Variants in MAOB observed in about 807,000 individuals in gnomAD.
MAOB encodes the protein amine oxidase [flavin-containing] B.
A neutral mutation model predicts 41.9 loss-of-function variants in MAOB; 15 were observed. That is an observed-to-expected ratio of 0.36 (90% CI 0.24 to 0.55). The LOEUF (loss-of-function observed/expected upper bound fraction) is 0.55. Among genes scored for constraint, MAOB ranks in the 20% least tolerant of loss-of-function variants. The probability of loss-of-function intolerance (pLI) is 0.86; values close to 1 mark genes in which losing one functional copy is unlikely to be tolerated. For synonymous variants in MAOB, 167 were observed against 144.2 expected (o/e 1.16, Z -1.13); for missense variants, 345 against 398.7 (o/e 0.87, Z 1.15).
chrX:43,813,596 T>C lies in MAOB; in HGVS notation c.280-10192A>G, dbSNP rs2034773809. On this transcript the variant is annotated intron_variant, in intron 3 of 14. Transcript: ENST00000378069. Reference sequence around the variant, plus strand: ...CCACTTGAGATTCTTACAAACTAGTTAGAAGCTAATGACGGACTCAATGAC... The same window carrying C: ...CCACTTGAGATTCTTACAAACTAGTCAGAAGCTAATGACGGACTCAATGAC... Among the ~76,000 whole-genome samples the C allele has an allele frequency of 5.3e-5, 6 of 112,232 alleles. No individual in the cohort carries two copies. The Admixed American group carries it at 5.7e-4, about 11-fold the overall frequency.
chrX:43,881,979 G>C (rs890591765), intron 1 of MAOB, among the ~76,000 whole-genome samples: 3 of 112,333 alleles, frequency 2.7e-5, no homozygotes, highest in Non-Finnish European at 3.8e-5. Flanking sequence ...GCAAGCGAAG[G>C]CCTAGCAGCC....
At chrX:43,857,168 AAG>A (rs769153460) in intron 1 of MAOB, among the ~76,000 whole-genome samples, 708 of 24,302 alleles carry the variant, frequency 0.029, 8 homozygotes, top group Non-Finnish European at 0.037. Context: ...GAGAGAGAAG[AAG>A]AGAGAGAGAG....
intron 1 of MAOB, among the ~76,000 whole-genome samples, chrX:43,864,461 T>C (rs1396725114): frequency 4.5e-5 from 5 of 111,839 alleles, no homozygotes; most frequent in Non-Finnish European, 9.4e-5. Context: ...TTAGTTTGCA[T>C]TTCATTCCTG....
chrX:43,857,833 T>C (rs1569231141), intron 1 of MAOB, among the ~76,000 whole-genome samples: 1 of 111,841 alleles, frequency 8.9e-6, no homozygotes, highest in Non-Finnish European at 1.9e-5. Context: ...GAATAGTAGG[T>C]AAAGTGTGAG....
At chrX:43,856,041 CA>C (rs912651975) in intron 1 of MAOB, among the ~76,000 whole-genome samples, 3 of 111,056 alleles carry the variant, frequency 2.7e-5, no homozygotes, top group African/African-American at 6.5e-5. Context: ...AAATATAAAA[CA>C]AAAAAAACCC....
In MAOB at chrX:43,831,793, AATTTATTAACT is replaced by A. The variant is rs1238526741; in HGVS notation, c.279+7064_279+7074del. 9.0e-5 allele frequency among the ~76,000 whole-genome samples: 10 copies of A among 111,505 alleles called. No homozygotes were observed. The East Asian group carries it at 1.1e-3, about 13-fold the overall frequency. ...ATATTAGTTCCTGAGGGAACTAATT[AATTTATTAACT>A]ATTTATTAACTATTAATTTTGGTAT... On this transcript the variant is annotated intron_variant, in intron 3 of 14. Transcript: ENST00000378069.
At chrX:43,831,019 G>A (rs867146993) in intron 3 of MAOB, among the ~76,000 whole-genome samples, 1 of 108,462 alleles carries the variant, frequency 9.2e-6, no homozygotes, top group Non-Finnish European at 1.9e-5. Flanking sequence ...GTGTGTGTGT[G>A]TGTGTGTGTG....
chrX:43,811,626 T>C (rs979221227), intron 3 of MAOB, among the ~76,000 whole-genome samples: 2 of 111,982 alleles, frequency 1.8e-5, no homozygotes, highest in African/African-American at 6.5e-5. Flanking sequence ...GTTGGGCAAA[T>C]GGTTGTCTTC....
intron 2 of MAOB, among the ~76,000 whole-genome samples, chrX:43,840,960 C>T (rs1003843900): frequency 9.3e-6 from 1 of 107,653 alleles, no homozygotes; most frequent in Non-Finnish European, 1.9e-5. Flanking sequence ...CCGTTCACTC[C>T]CCTGGAAAGG....
chrX:43,806,560 T>G (rs1285858699), intron 3 of MAOB, among the ~76,000 whole-genome samples: 2 of 110,792 alleles, frequency 1.8e-5, no homozygotes, highest in Non-Finnish European at 3.8e-5. Context: ...CTTAGGGTGG[T>G]GTCTGTCAGG....
intron 3 of MAOB, among the ~76,000 whole-genome samples, chrX:43,830,788 C>A (rs1419596799): frequency 1.8e-5 from 2 of 112,023 alleles, no homozygotes; most frequent in South Asian, 3.7e-4. Context: ...GAAACTCTAT[C>A]CTTCCTATCA....
At chrX:43,816,508 CA>C (rs1329257901) in intron 3 of MAOB, among the ~76,000 whole-genome samples, 1 of 111,629 alleles carries the variant, frequency 9.0e-6, no homozygotes, top group Admixed American at 9.5e-5. Context: ...TAGCAGCCAG[CA>C]AAGGAGCCCT....
intron 5 of MAOB, among the ~76,000 whole-genome samples, chrX:43,798,593 C>T (rs1323149152): frequency 2.7e-5 from 3 of 111,654 alleles, no homozygotes; most frequent in African/African-American, 6.5e-5. Context: ...CATGCAATTT[C>T]GAGGACTCCA....
At chrX:43,865,884 G>T (rs2035362025) in intron 1 of MAOB, among the ~76,000 whole-genome samples, 1 of 108,650 alleles carries the variant, frequency 9.2e-6, no homozygotes, top group South Asian at 4.1e-4. Context: ...AAATATATTT[G>T]GAAGAATGAT....
chrX:43,791,374 C>T (rs1026210518), intron 8 of MAOB, among the ~76,000 whole-genome samples: 9 of 111,693 alleles, frequency 8.1e-5, no homozygotes, highest in African/African-American at 1.6e-4. Flanking sequence ...CTTACATGGC[C>T]TCCACTTGGA....
rs2035479789 is a variant in MAOB at position 43,882,432 on chromosome X, C to T, written c.-133G>A. 1 of 1,020,921 alleles carries T rather than the reference C, an allele frequency of 9.8e-7. No homozygotes were observed. The highest frequency in any genetic ancestry group is 2.0e-5 in the African/African-American group (1 of 50,406). 84.1% of individuals were successfully genotyped at this position (1,020,921 alleles called of 1,213,427 possible). A position where few individuals can be genotyped will look rare whatever the true frequency, so the allele number is the denominator to read the frequency against. On this transcript the variant is annotated 5_prime_UTR_variant, in exon 1 of 15. Coordinates refer to ENST00000378069, the MANE Select transcript of MAOB (RefSeq NM_000898.5). Reference sequence around the variant, plus strand: ...GCGCGCTGCCCCCGTGCACCAGCGCCTCGGCGAGCCGCTATATTACCAGCC... The same window carrying T: ...GCGCGCTGCCCCCGTGCACCAGCGCTTCGGCGAGCCGCTATATTACCAGCC...
chrX:43,867,912 A>T (rs1167047114), intron 1 of MAOB, among the ~76,000 whole-genome samples: 1 of 112,428 alleles, frequency 8.9e-6, no homozygotes, highest in African/African-American at 3.2e-5. Flanking sequence ...TATATATAGG[A>T]TGTATCATTT....
At chrX:43,857,009 C>A (rs1166390885) in intron 1 of MAOB, among the ~76,000 whole-genome samples, 1 of 95,658 alleles carries the variant, frequency 1.0e-5, no homozygotes, top group Non-Finnish European at 2.1e-5. Context: ...CTTTCTACAC[C>A]GCTAGCATCC....
intron 1 of MAOB, among the ~76,000 whole-genome samples, chrX:43,870,481 C>A (rs1231511218): frequency 9.0e-6 from 1 of 111,275 alleles, no homozygotes; most frequent in South Asian, 3.8e-4. Flanking sequence ...CAGGCCCTAC[C>A]GGCCTCTTGC....
Sources: gnomAD v4.1 joint callset for allele counts (sites outside exome capture counted in the v4.1 genomes callset) on GRCh38, gnomAD v4.1.1 for gene constraint, MANE v1.5 for transcripts, NCBI Gene and HGNC (gene_info 2026-07-23, HGNC 2026-07-21) for gene names.